Variants in PRKDC observed in about 807,000 individuals in gnomAD.
PRKDC encodes the protein DNA-dependent protein kinase catalytic subunit.
PRKDC carries 82 observed loss-of-function variants against 486.9 expected under a neutral mutation model. The observed-to-expected ratio is 0.17, with a 90% CI of 0.14 to 0.20. The LOEUF (loss-of-function observed/expected upper bound fraction) is 0.20, where lower values mean the gene tolerates loss of function less well. Ranked by LOEUF, PRKDC falls within the 10% of genes least tolerant of loss-of-function variation. The pLI, the probability that PRKDC is intolerant of heterozygous loss-of-function variation, is 1.00. For synonymous variants in PRKDC, 1,895 were observed against 1,837.0 expected (o/e 1.03, Z -0.81); for missense variants, 4,504 against 5,038.2 (o/e 0.89, Z 3.21).
chr8:47,858,799 A>ATGACACCAATGAATATAG (rs2088604121), intron 47 of PRKDC, 50 bp downstream of exon 47: 1 of 1,572,624 alleles, frequency 6.4e-7, no homozygotes, highest in South Asian at 1.2e-5. Flanking sequence ...CATTCTCAGT[A>ATGACACCAATGAATATAG]TGACACCAAT....
intron 25 of PRKDC, among the ~76,000 whole-genome samples, chr8:47,909,374 A>G (rs2089854922): frequency 6.6e-6 from 1 of 152,000 alleles, no homozygotes; most frequent in African/African-American, 2.4e-5. Flanking sequence ...CCCAATCAAT[A>G]CTCTTATAAT....
Position 47,933,171 on chromosome 8 carries a change from T to C in PRKDC, c.1625A>G (p.Asp542Gly). 6.7e-7 allele frequency: 1 copy of C among 1,493,440 alleles called. No individual in the cohort carries two copies. The highest frequency in any genetic ancestry group is 8.9e-7 in the Non-Finnish European group (1 of 1,123,642). The allele number at this position is 1,493,440 out of a possible 1,614,324, so 92.5% of individuals were successfully genotyped here. The change falls in exon 16 of 86, where the codon GAT (aspartate) becomes GGT (glycine). Residue 542 changes from aspartate (D) to glycine (G), a missense_variant and splice_region_variant. Coordinates refer to ENST00000314191, the MANE Select transcript of PRKDC (RefSeq NM_006904.7). Reference protein sequence around the residue: ...RHLLSSDQMMDSILADEAFFS... With the variant: ...RHLLSSDQMMGSILADEAFFS... ...AAATGCTTCATCTGCTAAAATAGAA[T>C]CCTTTAAATAAAGAAAAACAATAAA...
chr8:47,862,085 A>G lies in PRKDC; in HGVS notation c.5962T>C (p.Tyr1988His). 1 of 1,554,002 alleles carries G rather than the reference A, an allele frequency of 6.4e-7. No homozygotes were observed. Among genetic ancestry groups the G allele is most frequent in the East Asian group, 2.4e-5 (1 of 41,710 alleles). ...FENLIDLKRR[Y>H]NFPVEVEVPM... is the part of the protein sequence containing the mutation. ...ACCTCAACTTCTACAGGAAAATTAT[A>G]GCGGCGCTTCAGGTCGATCAGATTT... is the stretch of plus-strand genomic sequence containing the variant. Residue 1988 changes from tyrosine to histidine, a missense_variant, in exon 44 of 86, where the codon TAT becomes CAT. This residue lies in a region of PRKDC where 1,592 missense variants were observed against 1,724.6 expected (regional missense o/e 0.92). Transcript: ENST00000314191.
intron 52 of PRKDC, among the ~76,000 whole-genome samples, chr8:47,852,279 T>A (rs2088425955): frequency 2.0e-5 from 3 of 152,160 alleles, no homozygotes; most frequent in Admixed American, 2.0e-4. Context: ...CTGCCCCTGT[T>A]CAACAGCTAC....
At position 47,826,781 on chromosome 8, in the gene PRKDC, C is replaced by T. The variant is rs751265825; in HGVS notation, c.8658G>A (p.Gln2886=). 13 of 1,610,514 alleles carry T rather than the reference C, an allele frequency of 8.1e-6. No homozygotes were observed. The highest frequency in any genetic ancestry group is 1.7e-4 in the Middle Eastern group (1 of 6,016). Residue 2886 remains glutamine (Q), a synonymous_variant, in exon 63 of 86, where the codon CAG becomes CAA. Transcript: ENST00000314191. ...CCTCTAGCAGGCGGATGCCCACGGG[C>T]TGCTGTAGGCTGGCCAGGCAACCAG... ...VSAGCLASLQ[Q]PVGIRLLEEA... is the part of the protein sequence containing the mutation.
chr8:47,791,372 G>A (rs1296093271), intron 74 of PRKDC, among the ~76,000 whole-genome samples: 1 of 152,186 alleles, frequency 6.6e-6, no homozygotes, highest in Non-Finnish European at 1.5e-5. Flanking sequence ...CTACTCAGGA[G>A]GCTGAGGCAG....
chr8:47,788,869 C>T (rs2086837219), intron 76 of PRKDC, 37 bp downstream of exon 76: 1 of 1,503,218 alleles, frequency 6.7e-7, no homozygotes, highest in African/African-American at 1.4e-5. Flanking sequence ...GTCACAACGA[C>T]TCTGCTATCA....
chr8:47,954,105 T>C (rs2090666686), intron 5 of PRKDC, among the ~76,000 whole-genome samples, 186 bp from the exon 6 acceptor site: 1 of 152,216 alleles, frequency 6.6e-6, no homozygotes, highest in African/African-American at 2.4e-5. Flanking sequence ...TTAATCATAT[T>C]TGTCATATCT....
intron 73 of PRKDC, among the ~76,000 whole-genome samples, chr8:47,797,988 G>A (rs899587007): frequency 2.4e-4 from 36 of 152,154 alleles, no homozygotes; most frequent in African/African-American, 5.8e-4. Context: ...CACACACCCC[G>A]TCTCCATCTC....
At chr8:47,845,682 C>A (rs2088247696) in intron 54 of PRKDC, among the ~76,000 whole-genome samples, 1 of 145,182 alleles carries the variant, frequency 6.9e-6, no homozygotes, top group Admixed American at 6.9e-5. Context: ...AAAAAACTTA[C>A]CAAGCAAAAA....
intron 58 of PRKDC, among the ~76,000 whole-genome samples, chr8:47,835,888 C>T (rs1208170860): frequency 1.3e-5 from 2 of 152,008 alleles, no homozygotes; most frequent in African/African-American, 2.4e-5. Context: ...CAGCTTCCCC[C>T]GTAGCTGGGA....
chr8:47,900,357 C>G lies in PRKDC; in HGVS notation c.3364+16G>C. On this transcript the variant is annotated intron_variant, in intron 28 of 85. Coordinates refer to ENST00000314191, the MANE Select transcript of PRKDC (RefSeq NM_006904.7). ...TCAGACCTGTAACGCACACAGAACACTGAAGCAAAACGTACCTAAGGACTT... is the reference window on the plus strand; with the variant it reads ...TCAGACCTGTAACGCACACAGAACAGTGAAGCAAAACGTACCTAAGGACTT... 3 of 1,590,416 alleles carry G rather than the reference C, an allele frequency of 1.9e-6. No homozygotes were observed. Among genetic ancestry groups the G allele is most frequent in the Non-Finnish European group, 2.6e-6 (3 of 1,168,366 alleles).
At position 47,918,365 on chromosome 8, in the gene PRKDC, C is replaced by A; in HGVS notation, c.2438G>T (p.Trp813Leu). 1 of 1,582,644 alleles carries A rather than the reference C, an allele frequency of 6.3e-7. No homozygotes were observed. The highest frequency in any genetic ancestry group is 8.6e-7 in the Non-Finnish European group (1 of 1,163,144). The change falls in exon 22 of 86, where the codon TGG (tryptophan) becomes TTG (leucine). Residue 813 changes from tryptophan (W) to leucine (L), a missense_variant. Physicochemically the swap from Trp to Leu is moderately conservative, Grantham distance 61 (BLOSUM62 -2). Around this residue, in one of 6 missense-constraint regions of PRKDC, gnomAD observed 1,969 missense variants for 2,068.9 expected, o/e 0.95. Transcript: ENST00000314191. ...SALSDETKNNWEVSALSRAAQ... is the reference protein window; with the variant it reads ...SALSDETKNNLEVSALSRAAQ... ...AGCCCGAGAAAGAGCTGACACTTCCCAGTTATTCTTGGTCTCATCTATCAA... is the reference window on the plus strand; with the variant it reads ...AGCCCGAGAAAGAGCTGACACTTCCAAGTTATTCTTGGTCTCATCTATCAA...
At chr8:47,855,778 T>G (rs1589745438) in intron 49 of PRKDC, among the ~76,000 whole-genome samples, 1 of 152,184 alleles carries the variant, frequency 6.6e-6, no homozygotes. Context: ...CCTATAAAAC[T>G]GCAGAGCCTC....
chr8:47,928,154 C>CT lies in PRKDC; in HGVS notation c.2140-265dup, dbSNP rs375267637. ...AATTATGTTAAGAGAGCTTGAGGGA[C>CT]TTTTTTTTTTTTTTTTTTTGTAAGA... On this transcript the variant is annotated intron_variant, in intron 19 of 85. Transcript: ENST00000314191. Among the ~76,000 whole-genome samples the CT allele has an allele frequency of 0.015, 1,965 of 130,960 alleles. 43 individuals are homozygous for CT. Among genetic ancestry groups the CT allele is most frequent in the African/African-American group, 0.04 (1,414 of 35,596 alleles). The allele number at this position is 130,960 out of a possible 152,430, so 85.9% of individuals were successfully genotyped here.
At position 47,931,496 on chromosome 8, in the gene PRKDC, G is replaced by GT. The variant is rs546905091; in HGVS notation, c.1777-710dup. 2.3e-3 allele frequency among the ~76,000 whole-genome samples: 338 copies of GT among 143,908 alleles called. 1 individual carries two copies. The highest frequency in any genetic ancestry group is 0.011 in the Middle Eastern group (3 of 276). The allele number at this position is 143,908 out of a possible 152,430, so 94.4% of individuals were successfully genotyped here. ...AGTTCCAGGAAGTCCCTTTGGGCAAGTTTTTTTTTTTTTTAATAAAATTAT... is the reference window on the plus strand; with the variant it reads ...AGTTCCAGGAAGTCCCTTTGGGCAAGTTTTTTTTTTTTTTTAATAAAATTAT... On this transcript the variant is annotated intron_variant, in intron 16 of 85. Coordinates refer to ENST00000314191, the MANE Select transcript of PRKDC (RefSeq NM_006904.7).
chr8:47,922,016 C>T (rs1216678119), intron 21 of PRKDC, among the ~76,000 whole-genome samples: 2 of 152,142 alleles, frequency 1.3e-5, no homozygotes, highest in East Asian at 1.9e-4. Flanking sequence ...CATGACTTCA[C>T]GTGATCTGCC....
At position 47,879,628 on chromosome 8, in the gene PRKDC, T is replaced by A. The variant is rs1462027792; in HGVS notation, c.5098A>T (p.Thr1700Ser). 1 of 1,586,812 alleles carries A rather than the reference T, an allele frequency of 6.3e-7. No homozygotes were observed. Among genetic ancestry groups the A allele is most frequent in the Non-Finnish European group, 8.6e-7 (1 of 1,168,456 alleles). The change falls in exon 39 of 86, where the codon ACC becomes TCC. Residue 1700 changes from threonine to serine, a missense_variant. Physicochemically the swap from Thr to Ser is moderately conservative, Grantham distance 58. Coordinates refer to ENST00000314191, the MANE Select transcript of PRKDC (RefSeq NM_006904.7). ...TCCAGACTGCCTCCAGTGAGGCTGG[T>A]GAAGAATGGAAGAAGAGTGACAGCT... ...GQAVTLLPFF[T>S]SLTGGSLEEL... is the part of the protein sequence containing the mutation.
At position 47,943,553 on chromosome 8, in the gene PRKDC, T is replaced by G. The variant is rs142444766; in HGVS notation, c.809-187A>C. The stretch of plus-strand genomic sequence containing the variant: ...CCAATTAACAGGCCCATAACTTGGC[T>G]GACAAATCCCAAAACAAGGGTCAGA... On this transcript the variant is annotated intron_variant, in intron 9 of 85. Coordinates refer to ENST00000314191, the MANE Select transcript of PRKDC (RefSeq NM_006904.7). Among the ~76,000 whole-genome samples the G allele has an allele frequency of 2.6e-4, 40 of 152,334 alleles. No individual in the cohort carries two copies. In the East Asian group the frequency reaches 6.8e-3, roughly 26 times the overall value.
Sources: gnomAD v4.1 joint callset for allele counts (sites outside exome capture counted in the v4.1 genomes callset) on GRCh38, gnomAD v4.1.1 for gene constraint, gnomAD v4.1.1 regional missense constraint, MANE v1.5 for transcripts, NCBI Gene and HGNC (gene_info 2026-07-23, HGNC 2026-07-21) for gene names.